Variants in PRKAG2 observed in about 807,000 individuals in gnomAD.
PRKAG2 encodes the protein 5'-AMP-activated protein kinase subunit gamma-2.
In PRKAG2, 26 loss-of-function variants were observed where a neutral mutation model predicts 69.6. That is an observed-to-expected ratio of 0.37 (90% CI 0.27 to 0.52). The LOEUF is 0.52. Ranked by LOEUF, PRKAG2 falls within the 20% of genes least tolerant of loss-of-function variation. The pLI is 0.90. For missense variants in PRKAG2, 557 were observed against 740.0 expected, an observed-to-expected ratio of 0.75 and a Z score of 2.87; for synonymous variants, 293 against 285.0, an observed-to-expected ratio of 1.03 and a Z score of -0.28.
At chr7:151,625,081 TG>T (rs1822523628) in intron 5 of PRKAG2, among the ~76,000 whole-genome samples, 1 of 152,140 alleles carries the variant, frequency 6.6e-6, no homozygotes, top group African/African-American at 2.4e-5. Context: ...TACAATGTAA[TG>T]GCAAATAAAT....
At chr7:151,778,356 A>C (rs767118223) in intron 3 of PRKAG2, among the ~76,000 whole-genome samples, 1 of 152,158 alleles carries the variant, frequency 6.6e-6, no homozygotes, top group Non-Finnish European at 1.5e-5. Flanking sequence ...TGAGGCTCCC[A>C]CTGGATGGCT....
rs542336074 is a variant in PRKAG2 at position 151,636,275 on chromosome 7, C to T, written c.685-4137G>A. 3.3e-5 allele frequency among the ~76,000 whole-genome samples: 5 copies of T among 152,262 alleles called. No individual in the cohort carries two copies. The South Asian group carries it at 1.0e-3, about 32-fold the overall frequency. Reference sequence around the variant, plus strand: ...CTATCTAAGTTTACATTTTCATCATCCCAAAGAGACAGCTTGTACCCATTA... The same window carrying T: ...CTATCTAAGTTTACATTTTCATCATTCCAAAGAGACAGCTTGTACCCATTA... On this transcript the variant is annotated intron_variant, in intron 4 of 15. Coordinates refer to ENST00000287878, the MANE Select transcript of PRKAG2 (RefSeq NM_016203.4).
At position 151,575,062 on chromosome 7, in the gene PRKAG2, A is replaced by C. The variant is rs1050882959; in HGVS notation, c.947-113T>G. ...GAAGAGCTTATAAAATATACTTCGAAGATATCAAGCAGAGTTTAATATATT... is the reference window on the plus strand; with the variant it reads ...GAAGAGCTTATAAAATATACTTCGACGATATCAAGCAGAGTTTAATATATT... On this transcript the variant is annotated intron_variant, in intron 7 of 15. Transcript: ENST00000287878. The C allele has an allele frequency of 2.8e-6, 4 of 1,417,266 alleles. No individual in the cohort carries two copies. In the Admixed American group the frequency reaches 8.9e-5, roughly 32 times the overall value. The allele number at this position is 1,417,266 out of a possible 1,614,324, so 87.8% of individuals were successfully genotyped here. A position where few individuals can be genotyped will look rare whatever the true frequency, so the allele number is the denominator to read the frequency against.
chr7:151,831,363 A>G (rs948805441), intron 1 of PRKAG2, among the ~76,000 whole-genome samples: 1 of 152,262 alleles, frequency 6.6e-6, no homozygotes, highest in Non-Finnish European at 1.5e-5. Context: ...TGAGCAAAAC[A>G]TGGTATATTC....
intron 1 of PRKAG2, among the ~76,000 whole-genome samples, chr7:151,876,054 C>T (rs1378018402): frequency 7.1e-5 from 5 of 70,500 alleles, no homozygotes; most frequent in South Asian, 5.1e-4. Context: ...CCGCTGCTTT[C>T]CCCACCCACC....
At chr7:151,744,378 C>T (rs937429742) in intron 3 of PRKAG2, among the ~76,000 whole-genome samples, 1 of 152,130 alleles carries the variant, frequency 6.6e-6, no homozygotes, top group African/African-American at 2.4e-5. Flanking sequence ...TCTGGGTCTC[C>T]GTTGTAGACA....
At chr7:151,584,662 G>A (rs550420420) in intron 6 of PRKAG2, among the ~76,000 whole-genome samples, 16 of 152,342 alleles carry the variant, frequency 1.1e-4, no homozygotes, top group African/African-American at 3.1e-4. Flanking sequence ...TCGGGAGGCC[G>A]CAGCGCTGAG....
intron 3 of PRKAG2, among the ~76,000 whole-genome samples, chr7:151,776,666 G>C (rs1018253175): frequency 1.3e-5 from 2 of 152,232 alleles, no homozygotes; most frequent in African/African-American, 4.8e-5. Flanking sequence ...CAATTCACAG[G>C]CTCACTGAGC....
intron 3 of PRKAG2, among the ~76,000 whole-genome samples, chr7:151,678,963 C>CA (rs377614151): frequency 3.2e-4 from 46 of 144,720 alleles, no homozygotes; most frequent in Admixed American, 9.7e-4. Context: ...GACTCTGTCT[C>CA]AAAAAAAAAG....
intron 5 of PRKAG2, among the ~76,000 whole-genome samples, chr7:151,613,804 C>G (rs1231041199): frequency 2.5e-5 from 3 of 120,142 alleles, no homozygotes; most frequent in African/African-American, 6.7e-5. Flanking sequence ...CAGTCCCAAG[C>G]ATTTTTTTTT....
chr7:151,593,807 G>A (rs1330537198), intron 6 of PRKAG2, among the ~76,000 whole-genome samples: 1 of 152,204 alleles, frequency 6.6e-6, no homozygotes. Context: ...CTGGTCCAAA[G>A]TGAACTCAGC....
intron 3 of PRKAG2, among the ~76,000 whole-genome samples, chr7:151,727,673 C>G (rs528820271): frequency 6.9e-6 from 1 of 145,140 alleles, no homozygotes; most frequent in Admixed American, 6.8e-5. Context: ...TCAGCCTTAG[C>G]TGTTCTGTGA....
chr7:151,658,999 T>C (rs551517576), intron 4 of PRKAG2, among the ~76,000 whole-genome samples: 1 of 152,374 alleles, frequency 6.6e-6, no homozygotes, highest in African/African-American at 2.4e-5. Context: ...TGTGTTGAGC[T>C]GCAGGAAGAT....
At chr7:151,662,431 C>T (rs1830455539) in intron 4 of PRKAG2, among the ~76,000 whole-genome samples, 1 of 152,194 alleles carries the variant, frequency 6.6e-6, no homozygotes, top group Admixed American at 6.5e-5. Flanking sequence ...GTCCTCTTCC[C>T]ACACGCCACA....
intron 3 of PRKAG2, among the ~76,000 whole-genome samples, chr7:151,755,293 G>A (rs1166396101): frequency 6.6e-6 from 1 of 152,154 alleles, no homozygotes; most frequent in African/African-American, 2.4e-5. Context: ...AGCCTCAAGG[G>A]TGTTCTGGCT....
chr7:151,675,730 G>C, intron 3 of PRKAG2, 93 bp from the exon 4 acceptor site: 1 of 1,267,206 alleles, frequency 7.9e-7, no homozygotes, highest in Non-Finnish European at 1.1e-6. Context: ...AAGGGAGATG[G>C]GGAGAGGTCA....
chr7:151,855,290 C>CA (rs2079716121), intron 1 of PRKAG2, among the ~76,000 whole-genome samples: 2 of 76,212 alleles, frequency 2.6e-5, no homozygotes, highest in East Asian at 8.1e-4. Flanking sequence ...ACACCACCCT[C>CA]CACACACCAC....
At chr7:151,854,012 G>T (rs2079644243) in intron 1 of PRKAG2, among the ~76,000 whole-genome samples, 1 of 152,024 alleles carries the variant, frequency 6.6e-6, no homozygotes, top group African/African-American at 2.4e-5. Context: ...GTTGAGGTCA[G>T]GCCTGTCCAC....
intron 1 of PRKAG2, among the ~76,000 whole-genome samples, chr7:151,787,068 TTAC>T (rs993696388): frequency 4.6e-5 from 7 of 152,172 alleles, no homozygotes. Context: ...CACCACACAC[TTAC>T]TGTGTCTGAA....
Sources: gnomAD v4.1 joint callset for allele counts (sites outside exome capture counted in the v4.1 genomes callset) on GRCh38, gnomAD v4.1.1 for gene constraint, MANE v1.5 for transcripts, NCBI Gene and HGNC (gene_info 2026-07-23, HGNC 2026-07-21) for gene names.